The following CATSPERB variants were observed in gnomAD, a reference collection of about 807,000 sequenced individuals.
CATSPERB encodes the protein catsper channel auxiliary subunit beta, also known as cation channel sperm-associated auxiliary subunit beta.
Under a neutral mutation model 128.3 loss-of-function variants are expected in CATSPERB, and 93 were observed. That is an observed-to-expected ratio of 0.72 (90% CI 0.61 to 0.86). CATSPERB has a LOEUF of 0.86. Among genes scored for constraint, CATSPERB ranks in the 40% least tolerant of loss-of-function variants. The pLI is 0.00. For synonymous variants in CATSPERB, 381 were observed against 448.8 expected (o/e 0.85, Z 1.91); for missense variants, 1,153 against 1,329.5 (o/e 0.87, Z 2.06).
intron 17 of CATSPERB, among the ~76,000 whole-genome samples, chr14:91,629,217 G>A (rs1197167385): frequency 2.0e-5 from 3 of 152,196 alleles, no homozygotes; most frequent in Non-Finnish European, 4.4e-5. Context: ...ATCAAGCCAT[G>A]AAAAGACATG....
chr14:91,652,335 A>G (rs1409490590), intron 15 of CATSPERB, among the ~76,000 whole-genome samples: 2 of 152,124 alleles, frequency 1.3e-5, no homozygotes, highest in East Asian at 3.8e-4. Flanking sequence ...TATACTTAAC[A>G]TTATTACTCA....
chr14:91,630,352 T>C (rs1894252977), intron 17 of CATSPERB, among the ~76,000 whole-genome samples: 1 of 152,186 alleles, frequency 6.6e-6, no homozygotes, highest in East Asian at 1.9e-4. Flanking sequence ...GAATCACCCA[T>C]CTGTATCTGA....
At chr14:91,703,357 G>A (rs1595185613) in intron 7 of CATSPERB, among the ~76,000 whole-genome samples, 2 of 152,252 alleles carry the variant, frequency 1.3e-5, no homozygotes, top group African/African-American at 4.8e-5. Flanking sequence ...TGGAGTGCTA[G>A]GAACATCCTT....
At chr14:91,624,799 G>A (rs1337611854) in intron 18 of CATSPERB, 21 bp downstream of exon 18, 3 of 1,526,602 alleles carry the variant, frequency 2.0e-6, no homozygotes. Context: ...CATCAGAGAT[G>A]TATGATATTA....
At position 91,693,364 on chromosome 14, in the gene CATSPERB, G is replaced by T; in HGVS notation, c.712+20C>A. ...ATGTAAGTAAAATGCTCAAGATGAA[G>T]GCAATGTTAGAGGAGTTACCTTCTT... On this transcript the variant is annotated intron_variant, in intron 8 of 26. Transcript: ENST00000256343. 6.3e-7 allele frequency: 1 copy of T among 1,593,378 alleles called. No individual in the cohort carries two copies. The highest frequency in any genetic ancestry group is 8.6e-7 in the Non-Finnish European group (1 of 1,162,046).
At chr14:91,590,898 G>A (rs147012030) in intron 23 of CATSPERB, among the ~76,000 whole-genome samples, 1,890 of 151,904 alleles carry the variant, frequency 0.012, 28 homozygotes, top group African/African-American at 0.032. Context: ...TGATCCGCCC[G>A]CCTCGGCCTC....
chr14:91,684,864 C>T (rs1013575622), intron 10 of CATSPERB, among the ~76,000 whole-genome samples: 3 of 151,760 alleles, frequency 2.0e-5, no homozygotes, highest in Non-Finnish European at 1.5e-5. Context: ...TGATCCACCC[C>T]CCTCGGCCTC....
At chr14:91,648,072 C>T (rs1894636054) in intron 15 of CATSPERB, among the ~76,000 whole-genome samples, 1 of 152,142 alleles carries the variant, frequency 6.6e-6, no homozygotes, top group South Asian at 2.1e-4. Flanking sequence ...TATTTCACAG[C>T]CAATCCTTCA....
At chr14:91,729,895 G>T (rs1053500511) in intron 1 of CATSPERB, among the ~76,000 whole-genome samples, 1 of 152,090 alleles carries the variant, frequency 6.6e-6, no homozygotes, top group Non-Finnish European at 1.5e-5. Flanking sequence ...GCACATTCTC[G>T]TTGAGTGTGC....
Position 91,621,899 on chromosome 14 carries a change from T to G in CATSPERB, c.1969A>C (p.Thr657Pro). Residue 657 changes from threonine to proline, a missense_variant, in exon 19 of 27, where the codon ACT becomes CCT. By Grantham distance (38) the Thr-to-Pro change is conservative (BLOSUM62 -1). Coordinates refer to ENST00000256343, the MANE Select transcript of CATSPERB (RefSeq NM_024764.4). ...CTGCTGTACCCGGGAAGCACTACAG[T>G]CTTCTCTATATCTGTATCTTCAAAC... is the stretch of plus-strand genomic sequence containing the variant. Reference protein sequence around the residue: ...ALFEDTDIEKTVVLPGYSSFL... With the variant: ...ALFEDTDIEKPVVLPGYSSFL... The G allele has an allele frequency of 6.2e-7, 1 of 1,612,612 alleles. No homozygotes were observed. Among genetic ancestry groups the G allele is most frequent in the Non-Finnish European group, 8.5e-7 (1 of 1,179,278 alleles).
At chr14:91,595,057 A>G (rs574914752) in intron 22 of CATSPERB, among the ~76,000 whole-genome samples, 20 of 113,082 alleles carry the variant, frequency 1.8e-4, no homozygotes, top group African/African-American at 5.7e-4. Flanking sequence ...ACAAAAATTG[A>G]AAAAAATATT....
intron 11 of CATSPERB, among the ~76,000 whole-genome samples, chr14:91,680,535 T>G (rs1419859846): frequency 6.6e-6 from 1 of 152,216 alleles, no homozygotes; most frequent in Non-Finnish European, 1.5e-5. Flanking sequence ...TCTTATGCTG[T>G]TTAAAAGGAA....
intron 1 of CATSPERB, among the ~76,000 whole-genome samples, chr14:91,729,776 C>CA (rs1896183554): frequency 6.6e-6 from 1 of 152,158 alleles, no homozygotes; most frequent in Admixed American, 6.5e-5. Flanking sequence ...CTATGTAAAA[C>CA]AGAGCCTGAA....
chr14:91,667,273 G>A (rs964206876), intron 14 of CATSPERB, among the ~76,000 whole-genome samples: 11 of 152,130 alleles, frequency 7.2e-5, no homozygotes, highest in Non-Finnish European at 1.2e-4. Context: ...ACCCAAGGAG[G>A]TGGCAGTCTT....
chr14:91,722,608 T>A (rs1896053684), intron 4 of CATSPERB, among the ~76,000 whole-genome samples: 1 of 152,294 alleles, frequency 6.6e-6, no homozygotes, highest in African/African-American at 2.4e-5. Context: ...TCTATGAATA[T>A]ACTAAAAACT....
intron 7 of CATSPERB, among the ~76,000 whole-genome samples, chr14:91,696,709 G>A (rs760337654): frequency 6.6e-6 from 1 of 152,190 alleles, no homozygotes; most frequent in Non-Finnish European, 1.5e-5. Context: ...CAGTGAGGAG[G>A]AAGAGTATGA....
intron 11 of CATSPERB, among the ~76,000 whole-genome samples, chr14:91,680,626 T>C (rs192480581): frequency 1.6e-4 from 24 of 152,320 alleles, no homozygotes; most frequent in African/African-American, 5.8e-4. Flanking sequence ...CTTTTGACTC[T>C]AAGTTCCTTG....
intron 15 of CATSPERB, among the ~76,000 whole-genome samples, chr14:91,642,904 T>C (rs11851599): frequency 0.16 from 21,711 of 134,612 alleles, 1,110 homozygotes; most frequent in African/African-American, 0.19. Context: ...ATTGGTCTAT[T>C]CAGAGATTCA....
chr14:91,725,952 G>A (rs1896113134), intron 2 of CATSPERB, among the ~76,000 whole-genome samples: 1 of 152,096 alleles, frequency 6.6e-6, no homozygotes, highest in Admixed American at 6.5e-5. Context: ...ATGAACAGAA[G>A]AGCAAAAGAA....
Sources: gnomAD v4.1 joint callset for allele counts (sites outside exome capture counted in the v4.1 genomes callset) on GRCh38, gnomAD v4.1.1 for gene constraint, MANE v1.5 for transcripts, NCBI Gene and HGNC (gene_info 2026-07-23, HGNC 2026-07-21) for gene names.